The following PEX13 variants were observed in gnomAD, a reference collection of about 807,000 sequenced individuals.
The protein encoded by PEX13 is peroxisomal biogenesis factor 13, also known as peroxisome biogenesis factor 13.
In PEX13, 28 loss-of-function variants were observed where a neutral mutation model predicts 34.5. The observed-to-expected ratio is 0.81, with a 90% confidence interval of 0.60 to 1.11. The LOEUF is 1.11. PEX13 is among the 50% of genes most tolerant of loss of function. PEX13 has a pLI of 0.00. For missense variants in PEX13, 550 were observed against 491.0 expected (o/e 1.12, Z -1.13); for synonymous variants, 177 against 175.1 (o/e 1.01, Z -0.09).
chr2:61,040,384 C>T (rs1223974817), intron 2 of PEX13, among the ~76,000 whole-genome samples: 3 of 152,090 alleles, frequency 2.0e-5, no homozygotes, highest in Non-Finnish European at 4.4e-5. Flanking sequence ...GGCACATATA[C>T]ACCATGAAAT....
Position 61,048,546 on chromosome 2 carries a change from T to G in PEX13, c.988T>G (p.Tyr330Asp). ...GQTTGLIPAN[Y>D]VKILGKRKGR... ...AACAACAGGACTTATACCTGCGAAT[T>G]ATGTCAAAATTCTTGGCAAAAGAAA... The change falls in exon 4 of 4, where the codon TAT becomes GAT. Residue 330 changes from tyrosine (Y) to aspartate (D), a missense_variant. Tyr to Asp is a radical substitution (Grantham distance 160, BLOSUM62 -3). Transcript: ENST00000295030. 6.2e-7 allele frequency: 1 copy of G among 1,614,122 alleles called. No individual in the cohort carries two copies. The highest frequency in any genetic ancestry group is 8.5e-7 in the Non-Finnish European group (1 of 1,179,976).
chr2:61,034,923 G>A (rs1175478638), intron 2 of PEX13, among the ~76,000 whole-genome samples: 1 of 152,240 alleles, frequency 6.6e-6, no homozygotes, highest in African/African-American at 2.4e-5. Context: ...GACAGCTTCT[G>A]CAAACTTAAA....
rs1680752666 is a variant in PEX13, at chr2:61,048,852, T to G, written c.*82T>G. The G allele has an allele frequency of 1.7e-6, 2 of 1,172,130 alleles. No homozygotes were observed. The highest frequency in any genetic ancestry group is 2.5e-6 in the Non-Finnish European group (2 of 794,398). 72.6% of individuals were successfully genotyped at this position (1,172,130 alleles called of 1,614,324 possible). On this transcript the variant is annotated 3_prime_UTR_variant, in exon 4 of 4. Transcript: ENST00000295030. ...TTCTCACAAAGAAATGAATGTACAA[T>G]CCAATGAAAACATTTGTTATTGGCT...
intron 2 of PEX13, among the ~76,000 whole-genome samples, chr2:61,042,299 T>A (rs920751698): frequency 6.6e-6 from 1 of 152,196 alleles, no homozygotes. Context: ...TTCCGATGGC[T>A]TCACTTTTGC....
intron 1 of PEX13, among the ~76,000 whole-genome samples, chr2:61,019,860 G>A (rs541840593): frequency 6.6e-6 from 1 of 152,186 alleles, no homozygotes; most frequent in East Asian, 1.9e-4. Context: ...GACTTACTGG[G>A]ATTTTTATTG....
At chr2:61,039,244 C>T (rs1680581972) in intron 2 of PEX13, among the ~76,000 whole-genome samples, 1 of 152,144 alleles carries the variant, frequency 6.6e-6, no homozygotes, top group Admixed American at 6.6e-5. Flanking sequence ...GAAAAAACTA[C>T]TTTAAAGTTC....
chr2:61,028,898 C>G (rs575930121), intron 1 of PEX13, among the ~76,000 whole-genome samples: 58 of 152,134 alleles, frequency 3.8e-4, no homozygotes, highest in African/African-American at 1.3e-3. Context: ...GATAAAAAGG[C>G]TAAGCCAAGT....
At chr2:61,043,685 T>C (rs1358796328) in intron 2 of PEX13, among the ~76,000 whole-genome samples, 3 of 152,276 alleles carry the variant, frequency 2.0e-5, no homozygotes, top group Non-Finnish European at 4.4e-5. Context: ...TCATGTGTTA[T>C]TGAACTAGTA....
At chr2:61,045,426 T>G (rs1282844596) in intron 2 of PEX13, among the ~76,000 whole-genome samples, 1 of 152,238 alleles carries the variant, frequency 6.6e-6, no homozygotes, top group African/African-American at 2.4e-5. Context: ...AATATCCTGT[T>G]TTGCCTCTTG....
At position 61,046,146 on chromosome 2, in the gene PEX13, G is replaced by A. The variant is rs80235377; in HGVS notation, c.913+295G>A. On this transcript the variant is annotated intron_variant, in intron 3 of 3. Transcript: ENST00000295030. Reference sequence around the variant, plus strand: ...GTTAATCCCCACACAAAAACGTGATGTCAGTAACTAAACATAACAAATCTA... The same window carrying A: ...GTTAATCCCCACACAAAAACGTGATATCAGTAACTAAACATAACAAATCTA... 6.5e-3 allele frequency among the ~76,000 whole-genome samples: 986 copies of A among 152,272 alleles called. 10 individuals carry two copies. The highest frequency in any genetic ancestry group is 0.022 in the African/African-American group (929 of 41,562).
chr2:61,048,827 T>G lies in PEX13; in HGVS notation c.*57T>G. On this transcript the variant is annotated 3_prime_UTR_variant, in exon 4 of 4. Transcript: ENST00000295030. Reference sequence around the variant, plus strand: ...ACTTTAGAGTACTTTTTAAAATTATTTCTCACAAAGAAATGAATGTACAAT... The same window carrying G: ...ACTTTAGAGTACTTTTTAAAATTATGTCTCACAAAGAAATGAATGTACAAT... 1 of 1,352,900 alleles carries G rather than the reference T, an allele frequency of 7.4e-7. No individual in the cohort carries two copies. The highest frequency in any genetic ancestry group is 1.1e-6 in the Non-Finnish European group (1 of 946,716). The allele number at this position is 1,352,900 out of a possible 1,614,324, so 83.8% of individuals were successfully genotyped here. A position where few individuals can be genotyped will look rare whatever the true frequency, so the allele number is the denominator to read the frequency against.
In PEX13 at chr2:61,051,731, T is replaced by C. The variant is rs1366535765; in HGVS notation, c.*2961T>C. 6.6e-6 allele frequency: 1 copy of C among 152,224 alleles called. No individual in the cohort carries two copies. The highest frequency in any genetic ancestry group is 2.4e-5 in the African/African-American group (1 of 41,468). The allele number at this position is 152,224 out of a possible 1,614,324, so 9.4% of individuals were successfully genotyped here. On this transcript the variant is annotated 3_prime_UTR_variant, in exon 4 of 4. Transcript: ENST00000295030. The stretch of plus-strand genomic sequence containing the variant: ...TATAAGTTTACAATAATAAAACATG[T>C]TTCTTTTAATTTTTCTGATTATATT...
chr2:61,037,486 A>G (rs763160730), intron 2 of PEX13, among the ~76,000 whole-genome samples: 2 of 152,240 alleles, frequency 1.3e-5, no homozygotes, highest in South Asian at 2.1e-4. Flanking sequence ...ACACAACTAC[A>G]TAGAGACTGA....
At chr2:61,036,445 A>G (rs1680536919) in intron 2 of PEX13, among the ~76,000 whole-genome samples, 1 of 152,240 alleles carries the variant, frequency 6.6e-6, no homozygotes, top group South Asian at 2.1e-4. Flanking sequence ...CAGAAACCCT[A>G]CAAGCCAGAA....
In PEX13 at chr2:61,049,722, CG is replaced by C. The variant is rs1680764716; in HGVS notation, c.*954del. The C allele has an allele frequency of 6.6e-6, 1 of 152,018 alleles. No individual in the cohort carries two copies. The highest frequency in any genetic ancestry group is 1.5e-5 in the Non-Finnish European group (1 of 68,016). The allele number at this position is 152,018 out of a possible 1,614,324, so 9.4% of individuals were successfully genotyped here. A position where few individuals can be genotyped will look rare whatever the true frequency, so the allele number is the denominator to read the frequency against. Reference sequence around the variant, plus strand: ...CCAGGAGGCGGAGGTTACGCTGAGCCGGAGATCTCGCCATTGCACTTCAGCC... The same window carrying C: ...CCAGGAGGCGGAGGTTACGCTGAGCCGAGATCTCGCCATTGCACTTCAGCC... On this transcript the variant is annotated 3_prime_UTR_variant, in exon 4 of 4. Transcript: ENST00000295030.
chr2:61,018,107 C>T lies in PEX13; in HGVS notation c.92+256C>T, dbSNP rs899092492. On this transcript the variant is annotated intron_variant, in intron 1 of 3. Transcript: ENST00000295030. ...CTGGGCGTCTCTCTGGGTCTCTGTG[C>T]TTGAAAGAAAGGGGGGCGGCTTCCT... 4.5e-5 allele frequency: 69 copies of T among 1,545,646 alleles called. No homozygotes were observed. The South Asian group carries it at 7.8e-4, about 17-fold the overall frequency.
chr2:61,046,645 C>G (rs754171348), intron 3 of PEX13, among the ~76,000 whole-genome samples: 14 of 152,078 alleles, frequency 9.2e-5, no homozygotes, highest in Non-Finnish European at 1.6e-4. Context: ...TTGTTTTACC[C>G]TTGAAGAAAC....
intron 1 of PEX13, chr2:61,018,060 G>A: frequency 6.7e-7 from 1 of 1,494,108 alleles, no homozygotes; most frequent in South Asian, 1.3e-5. Flanking sequence ...GCTCTAATCA[G>A]CAACGTTTTT....
At chr2:61,040,119 A>G (rs1235162923) in intron 2 of PEX13, among the ~76,000 whole-genome samples, 8 of 152,174 alleles carry the variant, frequency 5.3e-5, no homozygotes, top group African/African-American at 1.7e-4. Flanking sequence ...AGAAATAGGA[A>G]TGCTTTTACA....
Sources: gnomAD v4.1 joint callset for allele counts (sites outside exome capture counted in the v4.1 genomes callset) on GRCh38, gnomAD v4.1.1 for gene constraint, MANE v1.5 for transcripts, NCBI Gene and HGNC (gene_info 2026-07-23, HGNC 2026-07-21) for gene names.